SFPQ: variants seen among roughly 807,000 people sequenced by gnomAD.
SFPQ encodes the protein splicing factor, proline- and glutamine-rich.
A neutral mutation model predicts 72.9 loss-of-function variants in SFPQ; 11 were observed. The ratio of observed to expected loss-of-function variants is 0.15; its 90% CI spans 0.09 to 0.25. SFPQ has a LOEUF of 0.25. SFPQ is among the 10% of genes least tolerant of loss of function. The pLI is 1.00. For missense variants in SFPQ, 847 were observed against 993.3 expected, an observed-to-expected ratio of 0.85 and a Z score of 1.98; for synonymous variants, 506 against 367.3, an observed-to-expected ratio of 1.38 and a Z score of -4.32.
intron 9 of SFPQ, among the ~76,000 whole-genome samples, chr1:35,186,413 T>A (rs1639716125): frequency 6.6e-6 from 1 of 152,194 alleles, no homozygotes; most frequent in Admixed American, 6.5e-5. Flanking sequence ...TGATTTTTGC[T>A]ACTCTGTAGC....
At chr1:35,188,948 G>T in intron 6 of SFPQ, 55 bp downstream of exon 6, 2 of 1,400,904 alleles carry the variant, frequency 1.4e-6, no homozygotes, top group South Asian at 1.2e-5. Flanking sequence ...GCAACAGAAT[G>T]ATACGTTTCA....
Position 35,184,026 on chromosome 1 carries a change from T to A in SFPQ, c.*430A>T. On this transcript the variant is annotated 3_prime_UTR_variant, in exon 10 of 10. Coordinates refer to ENST00000357214, the MANE Select transcript of SFPQ (RefSeq NM_005066.3). ...AGATGCATTTCCCAGAAATGGCATA[T>A]GCCATTCAAAGGCCTAGACACTCTC... 1 of 1,059,918 alleles carries A rather than the reference T, an allele frequency of 9.4e-7. No individual in the cohort carries two copies. Among genetic ancestry groups the A allele is most frequent in the Non-Finnish European group, 1.1e-6 (1 of 876,034 alleles). 65.7% of individuals were successfully genotyped at this position (1,059,918 alleles called of 1,614,324 possible). A position where few individuals can be genotyped will look rare whatever the true frequency, so the allele number is the denominator to read the frequency against.
At chr1:35,178,384 A>T, downstream of SFPQ, 1 of 1,064,394 alleles carries the variant, frequency 9.4e-7, no homozygotes, top group Non-Finnish European at 1.1e-6. Context: ...AATGAGTTTT[A>T]ACATCAGCTC....
Position 35,193,108 on chromosome 1 carries a change from G to A in SFPQ, c.-59C>T, listed in dbSNP as rs111712925. 341 of 1,494,714 alleles carry A rather than the reference G, an allele frequency of 2.3e-4. No individual in the cohort carries two copies. The African/African-American group carries it at 3.4e-3, about 15-fold the overall frequency. The allele number at this position is 1,494,714 out of a possible 1,614,324, so 92.6% of individuals were successfully genotyped here. A position where few individuals can be genotyped will look rare whatever the true frequency, so the allele number is the denominator to read the frequency against. On this transcript the variant is annotated 5_prime_UTR_variant, in exon 1 of 10. Coordinates refer to ENST00000357214, the MANE Select transcript of SFPQ (RefSeq NM_005066.3). ...AAGAAGACGCTCAGGAAACGTGGAG[G>A]CCACCTTGCTTCTCACAAAATGGCG...
chr1:35,181,023 C>G (rs1639446908), downstream of SFPQ: 5 of 1,064,934 alleles, frequency 4.7e-6, no homozygotes, highest in Admixed American at 1.1e-4. Flanking sequence ...CTTTACCATA[C>G]AAGTGTTAGG....
Position 35,192,803 on chromosome 1 carries a change from G to T in SFPQ, c.247C>A (p.Pro83Thr). The T allele has an allele frequency of 6.7e-7, 1 of 1,501,506 alleles. No individual in the cohort carries two copies. 93.0% of individuals were successfully genotyped at this position (1,501,506 alleles called of 1,614,324 possible). A position where few individuals can be genotyped will look rare whatever the true frequency, so the allele number is the denominator to read the frequency against. ...GGATGCGGCGGCGGCTGATGCGGTG[G>T]CGGCTGCTGCGGCGGTGGCTGCTGC... ...PPQQPPPQQP[P>T]PHQPPPHPQP... The change falls in exon 1 of 10, where the codon CCA becomes ACA. Residue 83 changes from proline (P) to threonine (T), a missense_variant. By Grantham distance (38) the Pro-to-Thr change is conservative. Transcript: ENST00000357214.
intron 7 of SFPQ, among the ~76,000 whole-genome samples, 181 bp from the exon 8 acceptor site, chr1:35,187,432 C>A (rs1557800369): frequency 6.6e-6 from 1 of 152,188 alleles, no homozygotes; most frequent in African/African-American, 2.4e-5. Context: ...CAAAGACCTA[C>A]AAAACTTCCT....
rs1463116192 is a variant in SFPQ, at chr1:35,192,636, G to C, written c.414C>G (p.Thr138=). ...SSSAPPATPP[T]SGAPPGSGPG... is the part of the protein sequence containing the mutation. Reference sequence around the variant, plus strand: ...GCCCGGACCCTGGCGGGGCCCCCGAGGTTGGTGGAGTGGCGGGCGGGGCCG... The same window carrying C: ...GCCCGGACCCTGGCGGGGCCCCCGACGTTGGTGGAGTGGCGGGCGGGGCCG... The change falls in exon 1 of 10, where the codon ACC becomes ACG. Residue 138 remains threonine (T), a synonymous_variant. Transcript: ENST00000357214. 1.4e-6 allele frequency: 2 copies of C among 1,380,964 alleles called. No homozygotes were observed. The highest frequency in any genetic ancestry group is 3.0e-5 in the African/African-American group (2 of 65,598). The allele number at this position is 1,380,964 out of a possible 1,614,324, so 85.5% of individuals were successfully genotyped here.
chr1:35,190,368 G>C lies in SFPQ; in HGVS notation c.1415+130C>G, dbSNP rs1472840151. ...CAGCTTCAAATCTTTCTCAGCCTGAGATTTTTTACTAATAAGCATATCCAC... is the reference window on the plus strand; with the variant it reads ...CAGCTTCAAATCTTTCTCAGCCTGACATTTTTTACTAATAAGCATATCCAC... On this transcript the variant is annotated intron_variant, in intron 4 of 9. Transcript: ENST00000357214. 2.6e-5 allele frequency: 17 copies of C among 655,686 alleles called. 1 individual carries two copies. The highest frequency in any genetic ancestry group is 4.3e-5 in the Non-Finnish European group (16 of 374,226). 40.6% of individuals were successfully genotyped at this position (655,686 alleles called of 1,614,324 possible). A position where few individuals can be genotyped will look rare whatever the true frequency, so the allele number is the denominator to read the frequency against.
At chr1:35,192,067 A>G (rs1166818161) in intron 1 of SFPQ, among the ~76,000 whole-genome samples, 155 bp downstream of exon 1, 3 of 151,552 alleles carry the variant, frequency 2.0e-5, no homozygotes, top group Admixed American at 6.6e-5. Flanking sequence ...TCCCCCGCCG[A>G]CCGACGGCCC....
At chr1:35,191,289 A>C in intron 2 of SFPQ, 52 bp downstream of exon 2, 1 of 1,509,648 alleles carries the variant, frequency 6.6e-7, no homozygotes, top group East Asian at 2.3e-5. Flanking sequence ...GTAGTGACAA[A>C]AAAATCCCCC....
In SFPQ at chr1:35,192,162, G is replaced by A. The variant is rs1254329335; in HGVS notation, c.828+60C>T. 7.9e-6 allele frequency: 10 copies of A among 1,271,416 alleles called. 1 individual carries two copies. Among genetic ancestry groups the A allele is most frequent in the South Asian group, 6.8e-5 (3 of 44,144 alleles). The allele number at this position is 1,271,416 out of a possible 1,614,324, so 78.8% of individuals were successfully genotyped here. ...ATGGAAGCCCAGCGCGGGGGCGGGG[G>A]CGAGGAGGGGGCCGCCGCCATCTTA... On this transcript the variant is annotated intron_variant, in intron 1 of 9. Coordinates refer to ENST00000357214, the MANE Select transcript of SFPQ (RefSeq NM_005066.3).
At chr1:35,178,777 G>C, downstream of SFPQ, 1 of 1,053,538 alleles carries the variant, frequency 9.5e-7, no homozygotes, top group Non-Finnish European at 1.1e-6. Flanking sequence ...TATGAAGTAA[G>C]AGTTCCCTGT....
downstream of SFPQ, chr1:35,178,247 G>A (rs1639328318): frequency 1.8e-6 from 2 of 1,095,436 alleles, no homozygotes; most frequent in Non-Finnish European, 2.2e-6. Flanking sequence ...GAATTAGAAT[G>A]AAAACTGTAT....
chr1:35,179,380 A>G, downstream of SFPQ: 2 of 1,057,184 alleles, frequency 1.9e-6, no homozygotes, highest in Non-Finnish European at 2.3e-6. Context: ...CATTTCTTTC[A>G]TCTTTCAGAA....
At chr1:35,181,437 A>G (rs561768451), downstream of SFPQ, 27 of 1,063,742 alleles carry the variant, frequency 2.5e-5, no homozygotes, top group East Asian at 2.5e-4. Context: ...CCCATTTTTT[A>G]GCTGTTTATA....
chr1:35,192,807 C>T lies in SFPQ; in HGVS notation c.243G>A (p.Gln81=), dbSNP rs1246433763. The change falls in exon 1 of 10, where the codon CAG becomes CAA. Residue 81 remains glutamine, a synonymous_variant. Coordinates refer to ENST00000357214, the MANE Select transcript of SFPQ (RefSeq NM_005066.3). ...GCGGCGGCGGCTGATGCGGTGGCGG[C>T]TGCTGCGGCGGTGGCTGCTGCGGTG... ...QPPPQQPPPQ[Q]PPPHQPPPHP... 6.7e-7 allele frequency: 1 copy of T among 1,503,262 alleles called. No homozygotes were observed. Among genetic ancestry groups the T allele is most frequent in the South Asian group, 1.3e-5 (1 of 79,610 alleles). The allele number at this position is 1,503,262 out of a possible 1,614,324, so 93.1% of individuals were successfully genotyped here. A position where few individuals can be genotyped will look rare whatever the true frequency, so the allele number is the denominator to read the frequency against.
downstream of SFPQ, chr1:35,180,267 C>T (rs750816546): frequency 2.9e-6 from 3 of 1,050,316 alleles, no homozygotes; most frequent in Non-Finnish European, 3.4e-6. Flanking sequence ...GAAGTGAGGT[C>T]TGGAACAACA....
intron 5 of SFPQ, chr1:35,177,120 C>A (rs1407390597): frequency 6.6e-6 from 1 of 152,206 alleles, no homozygotes; most frequent in Non-Finnish European, 1.5e-5. Context: ...AAGGCTGAGG[C>A]AGGAGAATCG....
Sources: gnomAD v4.1 joint callset for allele counts (sites outside exome capture counted in the v4.1 genomes callset) on GRCh38, gnomAD v4.1.1 for gene constraint, MANE v1.5 for transcripts, NCBI Gene and HGNC (gene_info 2026-07-23, HGNC 2026-07-21) for gene names.